The following SCLY variants were observed in gnomAD, a reference collection of about 807,000 sequenced individuals.
The protein encoded by SCLY is putative selenocysteine lyase.
Under a neutral mutation model 50.1 loss-of-function variants are expected in SCLY, and 38 were observed. The observed-to-expected ratio is 0.76, with a 90% CI of 0.59 to 0.99. The LOEUF (loss-of-function observed/expected upper bound fraction) is 0.99, where lower values mean the gene tolerates loss of function less well. SCLY is among the 50% of genes least tolerant of loss of function. The pLI is 0.00. For synonymous variants in SCLY, 243 were observed against 249.4 expected (o/e 0.97, Z 0.24); for missense variants, 600 against 620.0 (o/e 0.97, Z 0.34).
Position 238,068,026 on chromosome 2 carries a change from T to C in SCLY, c.203-39T>C, listed in dbSNP as rs371497480. The C allele has an allele frequency of 1.2e-5, 17 of 1,464,390 alleles. No homozygotes were observed. In the African/African-American group the frequency reaches 2.2e-4, roughly 19 times the overall value. 90.7% of individuals were successfully genotyped at this position (1,464,390 alleles called of 1,614,324 possible). A position where few individuals can be genotyped will look rare whatever the true frequency, so the allele number is the denominator to read the frequency against. ...TTTTAGATGCGTTGATTGAGCTTGGTGAAGCAATGTTAATGAATTTCCTTT... is the reference window on the plus strand; with the variant it reads ...TTTTAGATGCGTTGATTGAGCTTGGCGAAGCAATGTTAATGAATTTCCTTT... On this transcript the variant is annotated intron_variant, in intron 2 of 11. Coordinates refer to ENST00000254663, the MANE Select transcript of SCLY (RefSeq NM_016510.7).
chr2:238,086,708 T>TTA (rs749210944), intron 7 of SCLY, among the ~76,000 whole-genome samples: 7 of 97,684 alleles, frequency 7.2e-5, no homozygotes, highest in Admixed American at 1.4e-4. Context: ...CCTGTCTCTT[T>TTA]AAAAAAAAAA....
rs769968500 is a variant in SCLY at position 238,061,039 on chromosome 2, C to T, written c.-16C>T. On this transcript the variant is annotated 5_prime_UTR_variant, in exon 1 of 12. Coordinates refer to ENST00000254663, the MANE Select transcript of SCLY (RefSeq NM_016510.7). The stretch of plus-strand genomic sequence containing the variant: ...CGCGGGAAGGAGGCTGGATGCCCGG[C>T]AGCAGTGGGGCGGGGATGGAGGCGG... 242 of 1,370,270 alleles carry T rather than the reference C, an allele frequency of 1.8e-4. 1 individual carries two copies. In the Middle Eastern group the frequency reaches 2.4e-3, roughly 14 times the overall value. The allele number at this position is 1,370,270 out of a possible 1,614,324, so 84.9% of individuals were successfully genotyped here. A position where few individuals can be genotyped will look rare whatever the true frequency, so the allele number is the denominator to read the frequency against.
Position 238,099,126 on chromosome 2 carries a change from A to G in SCLY, c.*771A>G. 1 of 400,542 alleles carries G rather than the reference A, an allele frequency of 2.5e-6. No individual in the cohort carries two copies. Among genetic ancestry groups the G allele is most frequent in the Non-Finnish European group, 5.1e-6 (1 of 196,912 alleles). 24.8% of individuals were successfully genotyped at this position (400,542 alleles called of 1,614,324 possible). A position where few individuals can be genotyped will look rare whatever the true frequency, so the allele number is the denominator to read the frequency against. ...TGTCCCTTTTGATCATTATTAACTC[A>G]GGGTTTCAGCTCCAACCTCGCTGAG... On this transcript the variant is annotated 3_prime_UTR_variant, in exon 12 of 12. Transcript: ENST00000254663.
chr2:238,076,281 G>A (rs1035107422), intron 4 of SCLY, among the ~76,000 whole-genome samples: 4 of 152,106 alleles, frequency 2.6e-5, no homozygotes, highest in Middle Eastern at 6.8e-3. Flanking sequence ...TAATAGAGAC[G>A]GGGTTTTGCC....
chr2:238,068,660 T>C (rs1359601959), intron 3 of SCLY, among the ~76,000 whole-genome samples: 1 of 152,234 alleles, frequency 6.6e-6, no homozygotes, highest in African/African-American at 2.4e-5. Flanking sequence ...TGTAATGTAA[T>C]ATGTAAAGTA....
At chr2:238,081,421 A>C (rs2065235253) in intron 4 of SCLY, 1 of 344,434 alleles carries the variant, frequency 2.9e-6, no homozygotes, top group African/African-American at 2.1e-5. Flanking sequence ...AAGAGCCTGC[A>C]TCCCTGTTGC....
chr2:238,084,515 C>T lies in SCLY; in HGVS notation c.884+1161C>T, dbSNP rs559876372. On this transcript the variant is annotated intron_variant, in intron 7 of 11. Coordinates refer to ENST00000254663, the MANE Select transcript of SCLY (RefSeq NM_016510.7). ...CTGAGGCAGGAGAATTGCTTGAACCCGGGAGGCTGAGGTTGCAGTGATCCG... is the reference window on the plus strand; with the variant it reads ...CTGAGGCAGGAGAATTGCTTGAACCTGGGAGGCTGAGGTTGCAGTGATCCG... 5.2e-4 allele frequency among the ~76,000 whole-genome samples: 73 copies of T among 139,904 alleles called. 1 individual carries two copies. Among genetic ancestry groups the T allele is most frequent in the African/African-American group, 1.9e-3 (70 of 37,170 alleles). The allele number at this position is 139,904 out of a possible 152,430, so 91.8% of individuals were successfully genotyped here.
At chr2:238,064,812 C>G (rs2065053380) in intron 2 of SCLY, 1 of 159,582 alleles carries the variant, frequency 6.3e-6, no homozygotes, top group African/African-American at 2.4e-5. Flanking sequence ...ACAGAATTTG[C>G]AAAATATGTC....
At chr2:238,064,874 T>G (rs1405797837) in intron 2 of SCLY, 1 of 152,530 alleles carries the variant, frequency 6.6e-6, no homozygotes, top group Non-Finnish European at 1.5e-5. Context: ...AAGATGAAAA[T>G]TACTTTTTCA....
At chr2:238,092,332 C>A (rs948976927) in intron 8 of SCLY, 1 of 152,414 alleles carries the variant, frequency 6.6e-6, no homozygotes, top group African/African-American at 2.4e-5. Context: ...GATCCACCCG[C>A]CTTGGCCTCC....
intron 9 of SCLY, 102 bp from the exon 10 acceptor site, chr2:238,094,318 G>A: frequency 1.1e-6 from 1 of 942,034 alleles, no homozygotes; most frequent in Non-Finnish European, 1.7e-6. Flanking sequence ...TGAAAAGTAT[G>A]CACCTGCTGA....
At chr2:238,074,471 GTTAGT>G (rs962194397) in intron 4 of SCLY, among the ~76,000 whole-genome samples, 4 of 151,992 alleles carry the variant, frequency 2.6e-5, no homozygotes, top group Admixed American at 6.6e-5. Flanking sequence ...AGTTTTAATT[GTTAGT>G]TTAGTTTAGT....
intron 6 of SCLY, chr2:238,082,921 T>C (rs367917223): frequency 0.15 from 15,650 of 105,736 alleles, 70 homozygotes; most frequent in South Asian, 0.31. Context: ...ATTCTCTTTC[T>C]TTTTTTTTTT....
At chr2:238,065,538 T>C (rs939822448) in intron 2 of SCLY, among the ~76,000 whole-genome samples, 19 of 152,066 alleles carry the variant, frequency 1.2e-4, no homozygotes, top group African/African-American at 4.6e-4. Flanking sequence ...AACCATAAAC[T>C]CAAAAGTGTT....
At chr2:238,090,535 G>A (rs1055261942) in intron 7 of SCLY, among the ~76,000 whole-genome samples, 2 of 152,180 alleles carry the variant, frequency 1.3e-5, no homozygotes, top group African/African-American at 4.8e-5. Flanking sequence ...AGATACTCAG[G>A]AAGCTGAGGC....
chr2:238,078,678 C>A (rs1214942407), intron 4 of SCLY: 1 of 151,466 alleles, frequency 6.6e-6, no homozygotes, highest in Non-Finnish European at 1.5e-5. Flanking sequence ...CTCAACAGTG[C>A]ATTGTTACAA....
chr2:238,096,824 C>G lies in SCLY; in HGVS notation c.1132C>G (p.Arg378Gly). 2 of 1,612,022 alleles carry G rather than the reference C, an allele frequency of 1.2e-6. No homozygotes were observed. Among genetic ancestry groups the G allele is most frequent in the South Asian group, 1.1e-5 (1 of 90,568 alleles). The change falls in exon 11 of 12, where the codon CGA becomes GGA. Residue 378 changes from arginine to glycine, a missense_variant. Transcript: ENST00000254663. ...AGGCCACGTGGTGCTTGCGCAGTGC[C>G]GAGTGCTGATGGCCAGTGTGGGGGC... ...LQGHVVLAQC[R>G]VLMASVGAAC... is the part of the protein sequence containing the mutation.
At position 238,081,749 on chromosome 2, in the gene SCLY, A is replaced by G; in HGVS notation, c.525A>G (p.Ala175=). Reference sequence around the variant, plus strand: ...CGGTGTCCAAGGTGAGCGGGCAGGCAGAGGTGGACGACATCCTCGCGGCAG... The same window carrying G: ...CGGTGTCCAAGGTGAGCGGGCAGGCGGAGGTGGACGACATCCTCGCGGCAG... ...FVPVSKVSGQ[A]EVDDILAAVR... The change falls in exon 5 of 12, where the codon GCA becomes GCG. Residue 175 remains alanine, a synonymous_variant. Transcript: ENST00000254663. The G allele has an allele frequency of 1.2e-6, 2 of 1,614,232 alleles. No homozygotes were observed. The highest frequency in any genetic ancestry group is 1.7e-6 in the Non-Finnish European group (2 of 1,180,040).
intron 4 of SCLY, chr2:238,073,765 C>G: frequency 2.1e-6 from 1 of 467,152 alleles, no homozygotes; most frequent in South Asian, 1.6e-5. Flanking sequence ...AACCCCTCTT[C>G]TTCTTCCTCC....
Sources: gnomAD v4.1 joint callset for allele counts (sites outside exome capture counted in the v4.1 genomes callset) on GRCh38, gnomAD v4.1.1 for gene constraint, MANE v1.5 for transcripts, NCBI Gene and HGNC (gene_info 2026-07-23, HGNC 2026-07-21) for gene names.